Variants in NARS2 observed in about 807,000 individuals in gnomAD.
The protein encoded by NARS2 is asparaginyl-tRNA synthetase 2, mitochondrial.
In NARS2, 60 loss-of-function variants were observed where a neutral mutation model predicts 62.9. The observed-to-expected ratio is 0.95, with a 90% CI of 0.77 to 1.18. The LOEUF is 1.18. NARS2 is among the 50% of genes most tolerant of loss of function. NARS2 has a pLI of 0.00. For missense variants in NARS2, 619 were observed against 576.4 expected (o/e 1.07, Z -0.76); for synonymous variants, 196 against 200.0 (o/e 0.98, Z 0.17).
At chr11:78,512,490 A>G (rs1860754736) in intron 6 of NARS2, among the ~76,000 whole-genome samples, 1 of 152,186 alleles carries the variant, frequency 6.6e-6, no homozygotes, top group South Asian at 2.1e-4. Flanking sequence ...TGGGCTTTAC[A>G]TGGTATCCAA....
intron 7 of NARS2, among the ~76,000 whole-genome samples, chr11:78,479,093 AAC>A (rs914387239): frequency 3.9e-5 from 6 of 152,212 alleles, no homozygotes; most frequent in Admixed American, 3.9e-4. Flanking sequence ...GGCTCAGAGA[AAC>A]ACACAACAAA....
intron 5 of NARS2, chr11:78,533,310 G>A (rs183588163): frequency 1.9e-4 from 29 of 152,244 alleles, no homozygotes; most frequent in Admixed American, 1.4e-3. Flanking sequence ...TAAGGTAGGC[G>A]TTTAGTTTGT....
In NARS2 at chr11:78,498,628, C is replaced by T. The variant is rs371038262; in HGVS notation, c.690-5433G>A. ...CTCCCCCCAGCTTCCACTTTGATTT[C>T]AGTCGTCTCCCAACCTTCCTAGGCC... On this transcript the variant is annotated intron_variant, in intron 6 of 13. Coordinates refer to ENST00000281038, the MANE Select transcript of NARS2 (RefSeq NM_024678.6). Among the ~76,000 whole-genome samples the T allele has an allele frequency of 2.4e-4, 36 of 150,922 alleles. No homozygotes were observed. The South Asian group carries it at 5.9e-3, about 25-fold the overall frequency.
At chr11:78,572,668 T>C (rs1800902725) in intron 1 of NARS2, among the ~76,000 whole-genome samples, 1 of 152,216 alleles carries the variant, frequency 6.6e-6, no homozygotes, top group African/African-American at 2.4e-5. Flanking sequence ...GCTAAAATTA[T>C]TTGTTTTAAC....
intron 9 of NARS2, among the ~76,000 whole-genome samples, chr11:78,473,258 G>T (rs1391303936): frequency 6.6e-6 from 1 of 152,204 alleles, no homozygotes; most frequent in African/African-American, 2.4e-5. Context: ...TGCCTCTCCA[G>T]TTTTACAAGT....
chr11:78,559,301 C>A (rs1433185780), intron 5 of NARS2, among the ~76,000 whole-genome samples: 27 of 58,444 alleles, frequency 4.6e-4, no homozygotes, highest in South Asian at 2.3e-3. Context: ...GACTCCATCT[C>A]AAAAAAAAAA....
intron 1 of NARS2, among the ~76,000 whole-genome samples, chr11:78,572,239 TG>T (rs1856955465): frequency 6.6e-6 from 1 of 152,250 alleles, no homozygotes; most frequent in Non-Finnish European, 1.5e-5. Context: ...TACTTTCACT[TG>T]TTAAAGTTAA....
At chr11:78,466,075 G>A in intron 10 of NARS2, 62 bp from the exon 11 acceptor site, 3 of 1,496,748 alleles carry the variant, frequency 2.0e-6, no homozygotes, top group Non-Finnish European at 2.7e-6. Flanking sequence ...CAATTAAGCA[G>A]CTGAAAATAA....
intron 6 of NARS2, among the ~76,000 whole-genome samples, chr11:78,518,353 A>G (rs1565253514): frequency 6.6e-6 from 1 of 152,176 alleles, no homozygotes; most frequent in Non-Finnish European, 1.5e-5. Context: ...GTAGAGGAAA[A>G]TTATAAAAGA....
At position 78,574,402 on chromosome 11, in the gene NARS2, G is replaced by A. The variant is rs761313550; in HGVS notation, c.87C>T (p.Ser29=). Residue 29 remains serine, a synonymous_variant, in exon 1 of 14, where the codon AGC becomes AGT. Transcript: ENST00000281038. ...TCTGAGCCCCGAGAGCGTCCCGCAC[G>A]CTCAGTTTGGCTGAAGGTTTGTGCT... ...FPKHKPSAKL[S]VRDALGAQNA... is the part of the protein sequence containing the mutation. 30 of 1,614,090 alleles carry A rather than the reference G, an allele frequency of 1.9e-5. No homozygotes were observed. The South Asian group carries it at 2.6e-4, about 14-fold the overall frequency.
chr11:78,486,757 T>A (rs1046765466), intron 7 of NARS2, among the ~76,000 whole-genome samples: 1 of 152,132 alleles, frequency 6.6e-6, no homozygotes, highest in Admixed American at 6.5e-5. Flanking sequence ...TGAATTCTCA[T>A]GAGAAAAAAT....
At chr11:78,497,494 C>G (rs1435737955) in intron 6 of NARS2, among the ~76,000 whole-genome samples, 6 of 152,138 alleles carry the variant, frequency 3.9e-5, no homozygotes, top group Non-Finnish European at 7.3e-5. Flanking sequence ...CCTTCCCAAA[C>G]CACCCCCAAC....
chr11:78,451,804 A>T (rs559675627), intron 11 of NARS2, among the ~76,000 whole-genome samples: 19 of 152,342 alleles, frequency 1.2e-4, no homozygotes, highest in African/African-American at 4.6e-4. Flanking sequence ...TCAGATATTG[A>T]TTGTCTACTA....
chr11:78,496,738 T>TAG (rs1275571904), intron 6 of NARS2, among the ~76,000 whole-genome samples: 1 of 151,512 alleles, frequency 6.6e-6, no homozygotes, highest in Non-Finnish European at 1.5e-5. Flanking sequence ...ATGAGAATGA[T>TAG]ATATTCTCGT....
chr11:78,443,825 A>G, intron 11 of NARS2, 67 bp from the exon 12 acceptor site: 3 of 1,198,416 alleles, frequency 2.5e-6, no homozygotes, highest in Non-Finnish European at 3.6e-6. Flanking sequence ...TTTCTGAAGC[A>G]AGTAAACCTT....
Position 78,436,560 on chromosome 11 carries a change from T to A in NARS2, c.*110A>T. 8.2e-7 allele frequency: 1 copy of A among 1,222,696 alleles called. No homozygotes were observed. The highest frequency in any genetic ancestry group is 2.3e-5 in the Admixed American group (1 of 43,132). 75.7% of individuals were successfully genotyped at this position (1,222,696 alleles called of 1,614,324 possible). The stretch of plus-strand genomic sequence containing the variant: ...TCTATGATATCTTATGGCACAACAA[T>A]TACATATTGAAATCTGCATTTCTAA... On this transcript the variant is annotated 3_prime_UTR_variant, in exon 14 of 14. Coordinates refer to ENST00000281038, the MANE Select transcript of NARS2 (RefSeq NM_024678.6).
intron 5 of NARS2, among the ~76,000 whole-genome samples, chr11:78,550,071 C>T (rs760840492): frequency 1.3e-5 from 2 of 152,166 alleles, no homozygotes; most frequent in Admixed American, 1.3e-4. Context: ...TAAGCTACTG[C>T]ACTAGGCATA....
chr11:78,479,167 G>C (rs775575717), intron 7 of NARS2, among the ~76,000 whole-genome samples: 3 of 152,130 alleles, frequency 2.0e-5, no homozygotes, highest in Non-Finnish European at 4.4e-5. Context: ...ATTGGTAAAT[G>C]AAAGTCAACT....
At chr11:78,523,995 C>T (rs1193250263) in intron 6 of NARS2, among the ~76,000 whole-genome samples, 1 of 152,080 alleles carries the variant, frequency 6.6e-6, no homozygotes, top group Non-Finnish European at 1.5e-5. Context: ...AGGGCATATA[C>T]GTTCTCTCTC....
Sources: gnomAD v4.1 joint callset for allele counts (sites outside exome capture counted in the v4.1 genomes callset) on GRCh38, gnomAD v4.1.1 for gene constraint, MANE v1.5 for transcripts, NCBI Gene and HGNC (gene_info 2026-07-23, HGNC 2026-07-21) for gene names.